The following CNTRL variants were observed in gnomAD, a reference collection of about 807,000 sequenced individuals.
The protein encoded by CNTRL is centriolin.
Under a neutral mutation model 303.7 loss-of-function variants are expected in CNTRL, and 233 were observed. The observed-to-expected ratio is 0.77, with a 90% CI of 0.69 to 0.86. The LOEUF is 0.86. Among genes scored for constraint, CNTRL ranks in the 40% least tolerant of loss-of-function variants. The probability of loss-of-function intolerance (pLI) is 0.00; values close to 1 mark genes in which losing one functional copy is unlikely to be tolerated. For missense variants in CNTRL, 2,524 were observed against 2,650.6 expected (o/e 0.95, Z 1.05); for synonymous variants, 900 against 922.2 (o/e 0.98, Z 0.44).
chr9:121,103,112 C>T (rs956869480), intron 7 of CNTRL, among the ~76,000 whole-genome samples: 2 of 152,164 alleles, frequency 1.3e-5, no homozygotes, highest in Non-Finnish European at 2.9e-5. Flanking sequence ...GCAAAAAGAA[C>T]AAAGCTGGAG....
chr9:121,160,132 T>C lies in CNTRL; in HGVS notation c.4930-11T>C. On this transcript the variant is annotated splice_polypyrimidine_tract_variant and intron_variant, in intron 31 of 43. Coordinates refer to ENST00000373855, the MANE Select transcript of CNTRL (RefSeq NM_007018.6). The stretch of plus-strand genomic sequence containing the variant: ...CACAGGAGGGAATAACTTTTTTTTT[T>C]TCAAACACAGGAAGTAAAATCTCTT... 1 of 1,451,562 alleles carries C rather than the reference T, an allele frequency of 6.9e-7. No homozygotes were observed. The highest frequency in any genetic ancestry group is 2.6e-5 in the East Asian group (1 of 38,406). 89.9% of individuals were successfully genotyped at this position (1,451,562 alleles called of 1,614,324 possible). A position where few individuals can be genotyped will look rare whatever the true frequency, so the allele number is the denominator to read the frequency against.
chr9:121,121,764 C>T, intron 12 of CNTRL: 5 of 985,310 alleles, frequency 5.1e-6, no homozygotes, highest in Non-Finnish European at 6.0e-6. Flanking sequence ...GGCGGGGCCG[C>T]CGCTCACTCT....
rs2049475856 is a variant in CNTRL, at chr9:121,106,398, T to TGGTTCTGGAGAAGACA, written c.809-1403_809-1388dup. 2.0e-5 allele frequency among the ~76,000 whole-genome samples: 3 copies of TGGTTCTGGAGAAGACA among 151,378 alleles called. No homozygotes were observed. In the South Asian group the frequency reaches 6.3e-4, roughly 32 times the overall value. On this transcript the variant is annotated intron_variant, in intron 7 of 43. Transcript: ENST00000373855. ...GAAACAAGACATGGCTCAATTCTTT[T>TGGTTCTGGAGAAGACA]GGTTCTGGAGAAGACATGAGAATGA...
intron 30 of CNTRL, 141 bp downstream of exon 30, chr9:121,158,250 C>T (rs112482125): frequency 3.1e-6 from 3 of 963,860 alleles, no homozygotes; most frequent in Admixed American, 2.9e-5. Context: ...AATTTGAATC[C>T]CAACTCAATA....
At chr9:121,093,741 G>A (rs894851571) in intron 4 of CNTRL, among the ~76,000 whole-genome samples, 1 of 152,218 alleles carries the variant, frequency 6.6e-6, no homozygotes, top group Non-Finnish European at 1.5e-5. Context: ...ATTACCTGGT[G>A]CAATGCCTCA....
chr9:121,099,987 A>G (rs2049072386), intron 7 of CNTRL, among the ~76,000 whole-genome samples: 1 of 152,272 alleles, frequency 6.6e-6, no homozygotes. Context: ...AACACTCTTC[A>G]GGATATTATC....
At chr9:121,112,952 A>T (rs745792716) in intron 9 of CNTRL, among the ~76,000 whole-genome samples, 1 of 152,168 alleles carries the variant, frequency 6.6e-6, no homozygotes, top group Non-Finnish European at 1.5e-5. Context: ...TTCAGTAATT[A>T]CTGGGTTCAG....
chr9:121,165,387 T>C (rs976263037), intron 35 of CNTRL, among the ~76,000 whole-genome samples: 2 of 152,212 alleles, frequency 1.3e-5, no homozygotes, highest in Non-Finnish European at 2.9e-5. Flanking sequence ...TAAAAATTGC[T>C]GTTGACCTCA....
At chr9:121,125,455 G>A (rs1481291042) in intron 13 of CNTRL, among the ~76,000 whole-genome samples, 2 of 151,952 alleles carry the variant, frequency 1.3e-5, no homozygotes, top group Non-Finnish European at 2.9e-5. Flanking sequence ...CACCACACCC[G>A]GCCGAAATTA....
intron 36 of CNTRL, among the ~76,000 whole-genome samples, chr9:121,166,536 T>G (rs1459452515): frequency 6.6e-6 from 1 of 152,176 alleles, no homozygotes; most frequent in Non-Finnish European, 1.5e-5. Context: ...TGGGCTTAGA[T>G]TTGATTACTC....
intron 7 of CNTRL, among the ~76,000 whole-genome samples, chr9:121,107,110 C>T (rs1209429563): frequency 6.6e-6 from 1 of 152,118 alleles, no homozygotes; most frequent in Non-Finnish European, 1.5e-5. Context: ...GAGTATACCT[C>T]AGAATCATCT....
chr9:121,092,008 C>CAAGT (rs1358319049), intron 4 of CNTRL, among the ~76,000 whole-genome samples: 2 of 144,324 alleles, frequency 1.4e-5, no homozygotes, highest in African/African-American at 5.1e-5. Flanking sequence ...TTTTAGTCAA[C>CAAGT]AAGTATTTAT....
At position 121,171,874 on chromosome 9, in the gene CNTRL, A is replaced by C. The variant is rs577251137; in HGVS notation, c.6417+326A>C. Among the ~76,000 whole-genome samples the C allele has an allele frequency of 5.3e-5, 8 of 152,352 alleles. No homozygotes were observed. In the East Asian group the frequency reaches 1.5e-3, roughly 29 times the overall value. ...TGCCATAAACAAGTCTATAGGAGCCAAAACCTCCCCTACCCCTTGAGCAAG... is the reference window on the plus strand; with the variant it reads ...TGCCATAAACAAGTCTATAGGAGCCCAAACCTCCCCTACCCCTTGAGCAAG... On this transcript the variant is annotated intron_variant, in intron 40 of 43. Coordinates refer to ENST00000373855, the MANE Select transcript of CNTRL (RefSeq NM_007018.6).
intron 4 of CNTRL, among the ~76,000 whole-genome samples, chr9:121,093,904 A>G (rs2132456374): frequency 6.6e-6 from 1 of 152,218 alleles, no homozygotes; most frequent in Non-Finnish European, 1.5e-5. Context: ...TTAACTTGAA[A>G]AAGAAGACAT....
chr9:121,119,783 C>G (rs1259844580), intron 12 of CNTRL, among the ~76,000 whole-genome samples: 2 of 152,212 alleles, frequency 1.3e-5, no homozygotes, highest in Non-Finnish European at 2.9e-5. Flanking sequence ...CATGAGCCAC[C>G]ATGCCCAGCC....
chr9:121,087,126 G>A (rs556225938), intron 2 of CNTRL, among the ~76,000 whole-genome samples: 2 of 152,250 alleles, frequency 1.3e-5, no homozygotes, highest in African/African-American at 2.4e-5. Context: ...TAATTTGAGA[G>A]GTTATTTGGG....
Position 121,159,003 on chromosome 9 carries a change from A to C in CNTRL, c.4913A>C (p.Lys1638Thr), listed in dbSNP as rs1367413893. Residue 1638 changes from lysine (K) to threonine (T), a missense_variant, in exon 31 of 44, where the codon AAG (lysine) becomes ACG (threonine). Coordinates refer to ENST00000373855, the MANE Select transcript of CNTRL (RefSeq NM_007018.6). Reference sequence around the variant, plus strand: ...CTGGGAGAGACTGAAGTAACTGAGAAGTGCAATCACATTAGGGTGTGTTTT... The same window carrying C: ...CTGGGAGAGACTGAAGTAACTGAGACGTGCAATCACATTAGGGTGTGTTTT... ...LRLGETEVTEKCNHIREVKSL... is the reference protein window; with the variant it reads ...LRLGETEVTETCNHIREVKSL... The C allele has an allele frequency of 1.2e-6, 2 of 1,614,058 alleles. No homozygotes were observed. The highest frequency in any genetic ancestry group is 2.7e-5 in the African/African-American group (2 of 74,934).
Position 121,092,638 on chromosome 9 carries a change from A to G in CNTRL, c.348+2233A>G, listed in dbSNP as rs529546777. On this transcript the variant is annotated intron_variant, in intron 4 of 43. Transcript: ENST00000373855. The stretch of plus-strand genomic sequence containing the variant: ...ATATATTATATATATCTATATATAT[A>G]ATATATATCTATATATAATATATAT... Among the ~76,000 whole-genome samples, 2 of 14,580 alleles carry G rather than the reference A, an allele frequency of 1.4e-4. 1 individual carries two copies. The highest frequency in any genetic ancestry group is 4.0e-4 in the African/African-American group (2 of 4,986). 9.6% of individuals were successfully genotyped at this position (14,580 alleles called of 152,430 possible).
Position 121,138,079 on chromosome 9 carries a change from A to G in CNTRL, c.2203-466A>G, listed in dbSNP as rs374293098. Among the ~76,000 whole-genome samples, 65 of 152,332 alleles carry G rather than the reference A, an allele frequency of 4.3e-4. 1 individual carries two copies. The highest frequency in any genetic ancestry group is 1.5e-3 in the African/African-American group (62 of 41,574). ...AACTCACTTGTGATGCTTGATAAAT[A>G]CAGATTCCTTGGCCCCACCCACTCT... On this transcript the variant is annotated intron_variant, in intron 15 of 43. Coordinates refer to ENST00000373855, the MANE Select transcript of CNTRL (RefSeq NM_007018.6).
Sources: allele counts gnomAD v4.1 joint callset (sites outside exome capture counted in the v4.1 genomes callset), GRCh38; gene constraint gnomAD v4.1.1; transcripts MANE v1.5; gene names NCBI Gene and HGNC (gene_info 2026-07-23, HGNC 2026-07-21).